The following RIMKLB variants were observed in gnomAD, a reference collection of about 807,000 sequenced individuals.
RIMKLB encodes beta-citrylglutamate synthase B.
Under a neutral mutation model 32.0 loss-of-function variants are expected in RIMKLB, and 7 were observed. The observed-to-expected ratio is 0.22, with a 90% CI of 0.12 to 0.41. The LOEUF is 0.41. Ranked by LOEUF, RIMKLB falls within the 10% of genes least tolerant of loss-of-function variation. The pLI, the probability that RIMKLB is intolerant of heterozygous loss-of-function variation, is 1.00. For synonymous variants in RIMKLB, 172 were observed against 185.1 expected, an observed-to-expected ratio of 0.93 and a Z score of 0.57; for missense variants, 289 against 498.7, an observed-to-expected ratio of 0.58 and a Z score of 4.00.
chr12:8,737,929 G>A (rs1229229590), intron 2 of RIMKLB, among the ~76,000 whole-genome samples: 1 of 152,106 alleles, frequency 6.6e-6, no homozygotes, highest in Non-Finnish European at 1.5e-5. Context: ...GGTCAGACTG[G>A]TCTCGAACTC....
In RIMKLB at chr12:8,777,123, TATTTAAG is replaced by T; in HGVS notation, c.*3344_*3350del. The T allele has an allele frequency of 1.0e-6, 1 of 985,600 alleles. No individual in the cohort carries two copies. The highest frequency in any genetic ancestry group is 1.2e-6 in the Non-Finnish European group (1 of 829,784). 61.1% of individuals were successfully genotyped at this position (985,600 alleles called of 1,614,324 possible). A position where few individuals can be genotyped will look rare whatever the true frequency, so the allele number is the denominator to read the frequency against. On this transcript the variant is annotated 3_prime_UTR_variant, in exon 6 of 6. Coordinates refer to ENST00000535829, the MANE Select transcript of RIMKLB (RefSeq NM_001297776.2). ...TTTTATTTGTTTGTTTGTTCAATTT[TATTTAAG>T]ATTTGTTTTTGTTGTACTAGGATTT...
chr12:8,719,367 T>A (rs1425488866), intron 2 of RIMKLB, among the ~76,000 whole-genome samples: 1 of 152,082 alleles, frequency 6.6e-6, no homozygotes, highest in Non-Finnish European at 1.5e-5. Flanking sequence ...GTTTTTTTGT[T>A]TTGTTTTGTT....
intron 5 of RIMKLB, among the ~76,000 whole-genome samples, chr12:8,759,329 A>G (rs1949329103): frequency 6.6e-6 from 1 of 152,188 alleles, no homozygotes; most frequent in Admixed American, 6.5e-5. Flanking sequence ...TGGGAGGTAG[A>G]GGTTGCAGTG....
At chr12:8,782,130 AG>A (rs1385587109), downstream of RIMKLB, among the ~76,000 whole-genome samples, 3 of 133,176 alleles carry the variant, frequency 2.3e-5, no homozygotes, top group African/African-American at 8.0e-5. Context: ...TAGAACTGAA[AG>A]AAAATGATAA....
At chr12:8,692,999 C>T (rs1398308545), upstream of RIMKLB, among the ~76,000 whole-genome samples, 1 of 152,222 alleles carries the variant, frequency 6.6e-6, no homozygotes, top group Non-Finnish European at 1.5e-5. Context: ...TGATAACTAT[C>T]TCAAAGATTA....
intron 2 of RIMKLB, among the ~76,000 whole-genome samples, chr12:8,739,163 T>G (rs1166707247): frequency 1.3e-5 from 2 of 152,180 alleles, no homozygotes; most frequent in Non-Finnish European, 2.9e-5. Context: ...TTGTTTCTGT[T>G]GTTCTGAAGA....
At chr12:8,681,953 G>A (rs1942419210) in intron 1 of RIMKLB, 2 of 151,952 alleles carry the variant, frequency 1.3e-5, no homozygotes, top group South Asian at 4.2e-4. Context: ...ATCTGGGTGG[G>A]AGCAGTCTTG....
intron 2 of RIMKLB, among the ~76,000 whole-genome samples, chr12:8,720,395 T>C (rs987933492): frequency 2.6e-5 from 4 of 152,240 alleles, no homozygotes; most frequent in African/African-American, 9.6e-5. Flanking sequence ...GAAACTTTTA[T>C]GTGCCAGATA....
intron 2 of RIMKLB, among the ~76,000 whole-genome samples, chr12:8,742,243 A>T (rs765442183): frequency 6.6e-5 from 10 of 151,982 alleles, no homozygotes; most frequent in Non-Finnish European, 1.5e-4. Flanking sequence ...CATAAAAATC[A>T]TTAATCATCA....
Position 8,774,544 on chromosome 12 carries a change from T to C in RIMKLB, c.*760T>C. ...TTGTATTTGTTAGTGTTTTAGTCTT[T>C]TTTGAAAGATGTGCTCTGTTAATGT... On this transcript the variant is annotated 3_prime_UTR_variant, in exon 6 of 6. Transcript: ENST00000535829. 2 of 984,460 alleles carry C rather than the reference T, an allele frequency of 2.0e-6. No individual in the cohort carries two copies. Among genetic ancestry groups the C allele is most frequent in the South Asian group, 9.4e-5 (2 of 21,272 alleles). 61.0% of individuals were successfully genotyped at this position (984,460 alleles called of 1,614,324 possible).
intron 5 of RIMKLB, among the ~76,000 whole-genome samples, chr12:8,759,757 C>T (rs1397477990): frequency 1.3e-5 from 2 of 152,112 alleles, no homozygotes; most frequent in Non-Finnish European, 2.9e-5. Context: ...TTAGAACCTC[C>T]AGTATAGTGT....
chr12:8,731,763 C>T (rs1275367337), intron 2 of RIMKLB, among the ~76,000 whole-genome samples: 1 of 151,980 alleles, frequency 6.6e-6, no homozygotes, highest in South Asian at 2.1e-4. Context: ...CTCTTGGATA[C>T]CTGCGGATTT....
rs764559762 is a variant in RIMKLB, at chr12:8,753,950, G to A, written c.554G>A (p.Arg185His). ...TTGGCTGATCTAAGCCATCTTATTC[G>A]CCATGAAGCGCCATACCTGTTCCAG... ...HHLADLSHLI[R>H]HEAPYLFQKY... Residue 185 changes from arginine to histidine, a missense_variant, in exon 5 of 6, where the codon CGC becomes CAC. Transcript: ENST00000535829. 1.5e-5 allele frequency: 24 copies of A among 1,613,786 alleles called. No individual in the cohort carries two copies. The highest frequency in any genetic ancestry group is 1.9e-5 in the Non-Finnish European group (22 of 1,179,818).
chr12:8,761,354 G>A (rs1214165363), intron 5 of RIMKLB, among the ~76,000 whole-genome samples: 1 of 148,876 alleles, frequency 6.7e-6, no homozygotes, highest in East Asian at 2.0e-4. Flanking sequence ...ATAGCTTACT[G>A]TTCTTTCAAA....
chr12:8,783,063 T>C (rs1311920364), exon 8 of RIMKLB: 2 of 152,242 alleles, frequency 1.3e-5, no homozygotes, highest in Non-Finnish European at 2.9e-5. Context: ...GTCTGTTTTC[T>C]AAATAAAGAC....
chr12:8,707,403 G>T (rs939736123), intron 1 of RIMKLB, among the ~76,000 whole-genome samples: 1 of 152,214 alleles, frequency 6.6e-6, no homozygotes, highest in African/African-American at 2.4e-5. Context: ...ATGAAAAGGT[G>T]CCTAGGGCAA....
At chr12:8,726,045 A>G (rs1945966399) in intron 2 of RIMKLB, among the ~76,000 whole-genome samples, 1 of 152,196 alleles carries the variant, frequency 6.6e-6, no homozygotes, top group Non-Finnish European at 1.5e-5. Flanking sequence ...ACAGGATTTC[A>G]TCATGTTGGC....
At chr12:8,670,026 C>CAAA in the RIMKLB span, among the ~76,000 whole-genome samples, 1,412 of 34,482 alleles carry the variant, frequency 0.041, 71 homozygotes, top group African/African-American at 0.13. Context: ...GACTCCGTCT[C>CAAA]AAAAAAAAAA....
chr12:8,745,664 G>A (rs1948016122), intron 2 of RIMKLB, among the ~76,000 whole-genome samples: 2 of 150,540 alleles, frequency 1.3e-5, no homozygotes, highest in Non-Finnish European at 2.9e-5. Context: ...AAAGTGCTAG[G>A]ATTACAGGCG....
Sources: allele counts gnomAD v4.1 joint callset (sites outside exome capture counted in the v4.1 genomes callset), GRCh38; gene constraint gnomAD v4.1.1; transcripts MANE v1.5; gene names NCBI Gene and HGNC (gene_info 2026-07-23, HGNC 2026-07-21).